The following REDIC1 variants were observed in gnomAD, a reference collection of about 807,000 sequenced individuals.
REDIC1 encodes the protein HEI10 Interacting Protein 1.
chr12:39,779,157 C>T, the REDIC1 span, among the ~76,000 whole-genome samples: 3 of 152,184 alleles, frequency 2.0e-5, no homozygotes, highest in Non-Finnish European at 4.4e-5. Flanking sequence ...CGGGGTGCAA[C>T]TGAAGACTGG....
the REDIC1 span, among the ~76,000 whole-genome samples, chr12:39,713,024 CGTGTATATGTATATATACATGTGT>C: frequency 1.0e-3 from 137 of 133,582 alleles, no homozygotes; most frequent in African/African-American, 4.0e-3. Context: ...TGTGTATATA[CGTGTATATGTATATATACATGTGT>C]ATATACGTGT....
the REDIC1 span, among the ~76,000 whole-genome samples, chr12:39,767,335 T>C: frequency 3.3e-5 from 5 of 150,838 alleles, no homozygotes; most frequent in Non-Finnish European, 7.4e-5. Flanking sequence ...TAGGTCTCCA[T>C]AGTGGCTTAA....
the REDIC1 span, among the ~76,000 whole-genome samples, chr12:39,638,725 G>A: frequency 1.9e-4 from 29 of 151,928 alleles, no homozygotes; most frequent in Admixed American, 2.6e-4. Context: ...AATGACCTTT[G>A]ACATATATGT....
chr12:39,700,370 A>G, the REDIC1 span, among the ~76,000 whole-genome samples: 1 of 152,198 alleles, frequency 6.6e-6, no homozygotes, highest in East Asian at 1.9e-4. Flanking sequence ...ATGAAGCGAG[A>G]AGGGAAGTTT....
At chr12:39,787,270 T>C in the REDIC1 span, among the ~76,000 whole-genome samples, 9 of 152,212 alleles carry the variant, frequency 5.9e-5, no homozygotes, top group African/African-American at 2.2e-4. Flanking sequence ...ACCTGAGACA[T>C]GGTATTTTCA....
the REDIC1 span, among the ~76,000 whole-genome samples, chr12:39,763,042 C>T: frequency 0.016 from 2,391 of 151,962 alleles, 58 homozygotes; most frequent in African/African-American, 0.052. Context: ...TCTCAGGATG[C>T]GAGCATATAC....
the REDIC1 span, among the ~76,000 whole-genome samples, chr12:39,898,003 AGTT>A: frequency 2.0e-5 from 3 of 152,160 alleles, no homozygotes; most frequent in African/African-American, 7.2e-5. Flanking sequence ...AGATGTTATC[AGTT>A]ATTATTAATC....
the REDIC1 span, chr12:39,760,263 A>C: frequency 6.3e-7 from 1 of 1,595,018 alleles, no homozygotes; most frequent in South Asian, 1.1e-5. Context: ...CTGCAACGGA[A>C]TATAATAGAT....
the REDIC1 span, among the ~76,000 whole-genome samples, chr12:39,702,039 C>T: frequency 1.3e-5 from 2 of 151,966 alleles, no homozygotes; most frequent in African/African-American, 4.8e-5. Context: ...ACTAGAAAAG[C>T]AAGAGCAAAC....
At chr12:39,687,779 T>C in the REDIC1 span, among the ~76,000 whole-genome samples, 1 of 152,222 alleles carries the variant, frequency 6.6e-6, no homozygotes, top group Non-Finnish European at 1.5e-5. Context: ...TAAACACTGC[T>C]TATGTAATGT....
chr12:39,711,287 G>A, the REDIC1 span, among the ~76,000 whole-genome samples: 1 of 147,046 alleles, frequency 6.8e-6, no homozygotes, highest in East Asian at 2.0e-4. Context: ...CACATATATA[G>A]TGTATATATA....
the REDIC1 span, among the ~76,000 whole-genome samples, chr12:39,776,270 C>CACGGTCACT: frequency 6.6e-6 from 1 of 152,138 alleles, no homozygotes; most frequent in South Asian, 2.1e-4. Flanking sequence ...ATTTATACTA[C>CACGGTCACT]ACACTGCTTC....
At chr12:39,727,740 G>T in the REDIC1 span, among the ~76,000 whole-genome samples, 34 of 151,612 alleles carry the variant, frequency 2.2e-4, 1 homozygote, top group Admixed American at 2.2e-3. Context: ...AAATTACTTT[G>T]GGCAGTATGG....
At chr12:39,633,020 T>C in the REDIC1 span, among the ~76,000 whole-genome samples, 1 of 152,098 alleles carries the variant, frequency 6.6e-6, no homozygotes, top group African/African-American at 2.4e-5. Flanking sequence ...TTTTTCTTTC[T>C]TTAGTAATAA....
chr12:39,879,269 C>A, the REDIC1 span, among the ~76,000 whole-genome samples: 1 of 152,200 alleles, frequency 6.6e-6, no homozygotes, highest in Admixed American at 6.5e-5. Context: ...TGGGGTTGAG[C>A]CCTCAGACAG....
chr12:39,839,316 T>C, the REDIC1 span, among the ~76,000 whole-genome samples: 2 of 152,048 alleles, frequency 1.3e-5, no homozygotes, highest in African/African-American at 4.8e-5. Context: ...TAGATGTCGG[T>C]TGATTTCCTC....
chr12:39,666,494 C>T, the REDIC1 span, among the ~76,000 whole-genome samples: 3 of 152,106 alleles, frequency 2.0e-5, no homozygotes, highest in Admixed American at 6.5e-5. Flanking sequence ...ACTTTTGCAT[C>T]GATGTTCATC....
chr12:39,734,196 C>T, the REDIC1 span, among the ~76,000 whole-genome samples: 27 of 152,270 alleles, frequency 1.8e-4, no homozygotes, highest in East Asian at 2.5e-3. Flanking sequence ...CTGGGTGAGG[C>T]GACGCCCCAC....
the REDIC1 span, among the ~76,000 whole-genome samples, chr12:39,742,227 C>G: frequency 1.3e-5 from 2 of 152,034 alleles, no homozygotes; most frequent in African/African-American, 2.4e-5. Flanking sequence ...TGACTATGAA[C>G]GTCTTCTGAT....
Sources: gnomAD v4.1 joint callset for allele counts (sites outside exome capture counted in the v4.1 genomes callset) on GRCh38, gnomAD v4.1.1 for gene constraint, MANE v1.5 for transcripts, NCBI Gene and HGNC (gene_info 2026-07-23, HGNC 2026-07-21) for gene names.